TMEM71: variants seen among roughly 807,000 people sequenced by gnomAD.
TMEM71 encodes the protein transmembrane protein 71.
A neutral mutation model predicts 38.0 loss-of-function variants in TMEM71; 44 were observed. The ratio of observed to expected loss-of-function variants is 1.16; its 90% CI spans 0.91 to 1.49. TMEM71 has a LOEUF of 1.49. Ranked by LOEUF, TMEM71 falls within the 40% of genes most tolerant of loss-of-function variation. TMEM71 has a pLI of 0.00. For missense variants in TMEM71, 367 were observed against 348.6 expected (o/e 1.05, Z -0.42); for synonymous variants, 133 against 122.5 (o/e 1.09, Z -0.56).
upstream of TMEM71, among the ~76,000 whole-genome samples, chr8:132,761,628 T>C (rs113951748): frequency 3.1e-3 from 469 of 152,314 alleles, 2 homozygotes; most frequent in Non-Finnish European, 5.4e-3. Context: ...AATTTCAAAG[T>C]TCTCTGTCTC....
At chr8:132,769,796 C>T in the TMEM71 span, among the ~76,000 whole-genome samples, 1 of 152,156 alleles carries the variant, frequency 6.6e-6, no homozygotes, top group African/African-American at 2.4e-5. Flanking sequence ...TTTAAGCTAC[C>T]CAGTCTCTGG....
chr8:132,728,588 T>A (rs1827282465), intron 5 of TMEM71, among the ~76,000 whole-genome samples: 1 of 152,232 alleles, frequency 6.6e-6, no homozygotes, highest in African/African-American at 2.4e-5. Context: ...AAGAGAAATA[T>A]CTTCAGTGCA....
chr8:132,728,850 G>A (rs16904729), intron 5 of TMEM71, among the ~76,000 whole-genome samples: 4,114 of 152,246 alleles, frequency 0.027, 192 homozygotes, highest in African/African-American at 0.094. Context: ...TTGCTGAGTG[G>A]CAGGGAAGAA....
intron 5 of TMEM71, among the ~76,000 whole-genome samples, chr8:132,734,451 A>G (rs1308566221): frequency 6.6e-6 from 1 of 152,214 alleles, no homozygotes; most frequent in Non-Finnish European, 1.5e-5. Flanking sequence ...CCCCTTAACT[A>G]CAATCTGGGT....
the TMEM71 span, among the ~76,000 whole-genome samples, chr8:132,775,861 TC>T: frequency 6.6e-6 from 1 of 152,140 alleles, no homozygotes; most frequent in Non-Finnish European, 1.5e-5. Flanking sequence ...TGGAGGCTTC[TC>T]CAGCTCCCTG....
At chr8:132,749,261 G>A (rs1828558761) in intron 4 of TMEM71, among the ~76,000 whole-genome samples, 1 of 152,158 alleles carries the variant, frequency 6.6e-6, no homozygotes, top group Non-Finnish European at 1.5e-5. Flanking sequence ...AATCTAAACA[G>A]GAGGTGATGG....
intron 5 of TMEM71, among the ~76,000 whole-genome samples, chr8:132,746,706 A>C (rs936898454): frequency 1.3e-5 from 2 of 151,988 alleles, no homozygotes; most frequent in Admixed American, 1.3e-4. Context: ...TTTTCCCAGC[A>C]TTATCAACTT....
At position 132,714,196 on chromosome 8, in the gene TMEM71, AT is replaced by A; in HGVS notation, c.771del (p.Leu258Ter). 6.2e-7 allele frequency: 1 copy of A among 1,612,304 alleles called. No homozygotes were observed. The highest frequency in any genetic ancestry group is 8.5e-7 in the Non-Finnish European group (1 of 1,179,588). ...SACARWFMGE[I>X]LASVFTCSLM... ...AATGAGCATGTGAAGACACTGGCTA[AT>A]ATTTCTCCCATAAACCATCTGAAAC... On this transcript the variant is annotated frameshift_variant, in exon 8 of 10. Coordinates refer to ENST00000677595, the MANE Select transcript of TMEM71 (RefSeq NM_001382403.1). LOFTEE classifies it high-confidence loss of function.
intron 7 of TMEM71, among the ~76,000 whole-genome samples, chr8:132,719,485 C>T (rs1257051506): frequency 1.3e-5 from 2 of 152,184 alleles, no homozygotes; most frequent in Non-Finnish European, 2.9e-5. Context: ...CAAGATGTCT[C>T]ATCATGTATA....
chr8:132,712,422 TA>T lies in TMEM71; in HGVS notation c.873-1441del, dbSNP rs201668393. On this transcript the variant is annotated intron_variant, in intron 9 of 9. Transcript: ENST00000677595. Reference sequence around the variant, plus strand: ...AGTTCTGAGAAAACAGCAGGTGATATAACCCCTGCAGATCGGATATTGGCTC... The same window carrying T: ...AGTTCTGAGAAAACAGCAGGTGATATACCCCTGCAGATCGGATATTGGCTC... 7.2e-3 allele frequency among the ~76,000 whole-genome samples: 1,097 copies of T among 152,200 alleles called. 15 individuals carry two copies. Among genetic ancestry groups the T allele is most frequent in the African/African-American group, 0.026 (1,060 of 41,512 alleles).
At chr8:132,729,045 T>C (rs1181335084) in intron 5 of TMEM71, among the ~76,000 whole-genome samples, 1 of 152,240 alleles carries the variant, frequency 6.6e-6, no homozygotes, top group African/African-American at 2.4e-5. Context: ...TATATTTTAC[T>C]TGCCCTAAAC....
At chr8:132,750,304 C>T (rs1586803868) in intron 4 of TMEM71, among the ~76,000 whole-genome samples, 1 of 152,138 alleles carries the variant, frequency 6.6e-6, no homozygotes, top group Non-Finnish European at 1.5e-5. Flanking sequence ...GAAATCCCTC[C>T]CTCCCTCATC....
intron 3 of TMEM71, among the ~76,000 whole-genome samples, chr8:132,753,764 A>G (rs1348046500): frequency 6.6e-6 from 1 of 152,172 alleles, no homozygotes; most frequent in Non-Finnish European, 1.5e-5. Context: ...CTGTAAAACG[A>G]GAAAAAAATC....
chr8:132,706,551 T>C (rs1366397742), downstream of TMEM71, among the ~76,000 whole-genome samples: 1 of 152,178 alleles, frequency 6.6e-6, no homozygotes, highest in East Asian at 1.9e-4. Context: ...AGTTTGGAAG[T>C]TGGAGGGTGT....
In TMEM71 at chr8:132,746,942, C is replaced by T. The variant is rs773494302; in HGVS notation, c.487G>A (p.Ala163Thr). 2.4e-5 allele frequency: 38 copies of T among 1,585,856 alleles called. No homozygotes were observed. The South Asian group carries it at 2.6e-4, about 11-fold the overall frequency. The change falls in exon 5 of 10, where the codon GCA becomes ACA. Residue 163 changes from alanine to threonine, a missense_variant and splice_region_variant. Coordinates refer to ENST00000677595, the MANE Select transcript of TMEM71 (RefSeq NM_001382403.1). Reference sequence around the variant, plus strand: ...TATGGAAAGGAGGACTCAAACTCACCATTTCCATTGCAATGGTCTGTGTCC... The same window carrying T: ...TATGGAAAGGAGGACTCAAACTCACTATTTCCATTGCAATGGTCTGTGTCC... The part of the protein sequence containing the change: ...RLDTDHCNGN[A>T]DDLDCSSLTD...
intron 6 of TMEM71, among the ~76,000 whole-genome samples, chr8:132,723,727 C>G (rs191357203): frequency 2.6e-5 from 4 of 152,312 alleles, no homozygotes; most frequent in East Asian, 3.9e-4. Flanking sequence ...GGAATCACCT[C>G]TCCCCCTCTC....
At position 132,751,731 on chromosome 8, in the gene TMEM71, C is replaced by T. The variant is rs1586804617; in HGVS notation, c.314+54G>A. 19 of 1,502,892 alleles carry T rather than the reference C, an allele frequency of 1.3e-5. No individual in the cohort carries two copies. The South Asian group carries it at 1.7e-4, about 13-fold the overall frequency. The allele number at this position is 1,502,892 out of a possible 1,614,324, so 93.1% of individuals were successfully genotyped here. A position where few individuals can be genotyped will look rare whatever the true frequency, so the allele number is the denominator to read the frequency against. ...TTGAGTGAATAAATGAATGAATAAA[C>T]AATTAATGGATGGATTGGACTTCAG... is the stretch of plus-strand genomic sequence containing the variant. On this transcript the variant is annotated intron_variant, in intron 4 of 9. Transcript: ENST00000677595.
At position 132,759,021 on chromosome 8, in the gene TMEM71, A is replaced by T. The variant is rs964227729; in HGVS notation, c.-36-106T>A. 3 of 689,290 alleles carry T rather than the reference A, an allele frequency of 4.4e-6. No homozygotes were observed. The African/African-American group carries it at 5.4e-5, about 12-fold the overall frequency. 42.7% of individuals were successfully genotyped at this position (689,290 alleles called of 1,614,324 possible). A position where few individuals can be genotyped will look rare whatever the true frequency, so the allele number is the denominator to read the frequency against. On this transcript the variant is annotated intron_variant, in intron 1 of 9. Coordinates refer to ENST00000677595, the MANE Select transcript of TMEM71 (RefSeq NM_001382403.1). ...GCACTAGTCAGATTTGTTTACTGAA[A>T]TAATACAGAGATACAGAATTGAAGG...
In TMEM71 at chr8:132,710,829, G is replaced by GT. The variant is rs1203729091; in HGVS notation, c.*137dup. On this transcript the variant is annotated 3_prime_UTR_variant, in exon 10 of 10. Transcript: ENST00000677595. ...ACTGAGATCATTTTAAAATCACATA[G>GT]TCAAACTAAAATGGCTTTTTCTCCA... 2 of 767,008 alleles carry GT rather than the reference G, an allele frequency of 2.6e-6. No individual in the cohort carries two copies. Among genetic ancestry groups the GT allele is most frequent in the South Asian group, 3.0e-5 (2 of 65,654 alleles). 47.5% of individuals were successfully genotyped at this position (767,008 alleles called of 1,614,324 possible). A position where few individuals can be genotyped will look rare whatever the true frequency, so the allele number is the denominator to read the frequency against.
Sources: gnomAD v4.1 joint callset for allele counts (sites outside exome capture counted in the v4.1 genomes callset) on GRCh38, gnomAD v4.1.1 for gene constraint, MANE v1.5 for transcripts, NCBI Gene and HGNC (gene_info 2026-07-23, HGNC 2026-07-21) for gene names.